The following STXBP5L variants were observed in gnomAD, a reference collection of about 807,000 sequenced individuals.
The protein encoded by STXBP5L is syntaxin binding protein 5L.
In STXBP5L, 65 loss-of-function variants were observed where a neutral mutation model predicts 144.5. That is an observed-to-expected ratio of 0.45 (90% CI 0.37 to 0.55). The LOEUF (loss-of-function observed/expected upper bound fraction) is 0.55. STXBP5L is among the 20% of genes least tolerant of loss of function. The probability of loss-of-function intolerance (pLI) is 0.00; values close to 1 mark genes in which losing one functional copy is unlikely to be tolerated. For synonymous variants in STXBP5L, 505 were observed against 469.6 expected, an observed-to-expected ratio of 1.08 and a Z score of -0.97; for missense variants, 1,298 against 1,405.5, an observed-to-expected ratio of 0.92 and a Z score of 1.22.
chr3:121,205,157 C>G (rs1190100360), intron 9 of STXBP5L, among the ~76,000 whole-genome samples: 1 of 152,012 alleles, frequency 6.6e-6, no homozygotes, highest in East Asian at 1.9e-4. Context: ...CATTGTTGTC[C>G]TAGTCTGTTT....
At chr3:120,912,127 C>A (rs1708870643) in intron 2 of STXBP5L, among the ~76,000 whole-genome samples, 1 of 152,000 alleles carries the variant, frequency 6.6e-6, no homozygotes, top group Non-Finnish European at 1.5e-5. Context: ...ACCTTTTCTA[C>A]ATCCCCAGTA....
At chr3:121,018,523 C>CAAAAAAAAA (rs139946627) in intron 3 of STXBP5L, among the ~76,000 whole-genome samples, 4 of 101,924 alleles carry the variant, frequency 3.9e-5, no homozygotes, top group East Asian at 3.3e-4. Context: ...ATCCATATAC[C>CAAAAAAAAA]AAAAAAAAAA....
intron 5 of STXBP5L, among the ~76,000 whole-genome samples, chr3:121,050,613 C>G: frequency 6.6e-6 from 1 of 152,102 alleles, no homozygotes; most frequent in Non-Finnish European, 1.5e-5. Flanking sequence ...ACAACCGGTA[C>G]CAGCCACTGC....
chr3:121,044,029 A>G (rs1030234882), intron 4 of STXBP5L, among the ~76,000 whole-genome samples: 1 of 152,172 alleles, frequency 6.6e-6, no homozygotes, highest in African/African-American at 2.4e-5. Context: ...TAGGAAGCAT[A>G]AGTACAGTAT....
intron 5 of STXBP5L, among the ~76,000 whole-genome samples, chr3:121,106,714 A>G (rs1311829087): frequency 6.6e-6 from 1 of 152,050 alleles, no homozygotes; most frequent in Non-Finnish European, 1.5e-5. Flanking sequence ...ATGCATGTAT[A>G]TATCTTCATG....
intron 19 of STXBP5L, among the ~76,000 whole-genome samples, chr3:121,287,390 T>G (rs1423290903): frequency 2.0e-5 from 3 of 152,232 alleles, no homozygotes; most frequent in Admixed American, 2.0e-4. Context: ...AGTTTAACAA[T>G]GTGCAGGATA....
chr3:121,136,018 G>A (rs9758538), intron 7 of STXBP5L, among the ~76,000 whole-genome samples: 144,335 of 152,192 alleles, frequency 0.95, 68,472 homozygotes, highest in Non-Finnish European at 0.95. Context: ...ACCGCTGACC[G>A]ACTACAGTGC....
At chr3:121,214,374 T>A (rs1350356532) in intron 10 of STXBP5L, among the ~76,000 whole-genome samples, 1 of 152,176 alleles carries the variant, frequency 6.6e-6, no homozygotes, top group East Asian at 1.9e-4. Flanking sequence ...TAAACACTGA[T>A]TTAGCTGTGT....
chr3:121,312,459 T>A, intron 19 of STXBP5L, among the ~76,000 whole-genome samples: 1 of 104,274 alleles, frequency 9.6e-6, no homozygotes, highest in Non-Finnish European at 2.0e-5. Flanking sequence ...TTTTTTTTTT[T>A]TTTTTTTTTT....
chr3:120,933,279 G>A (rs1238932017), intron 2 of STXBP5L, among the ~76,000 whole-genome samples: 1 of 152,126 alleles, frequency 6.6e-6, no homozygotes, highest in Non-Finnish European at 1.5e-5. Flanking sequence ...AGTGAGATAA[G>A]TTGACTATAA....
At chr3:121,100,335 A>T (rs745389709) in intron 5 of STXBP5L, among the ~76,000 whole-genome samples, 1 of 152,176 alleles carries the variant, frequency 6.6e-6, no homozygotes, top group Non-Finnish European at 1.5e-5. Flanking sequence ...TCCAAACTTG[A>T]CCACATCCTG....
At chr3:121,145,256 T>C (rs1256949151) in intron 7 of STXBP5L, among the ~76,000 whole-genome samples, 2 of 151,768 alleles carry the variant, frequency 1.3e-5, no homozygotes, top group African/African-American at 4.8e-5. Flanking sequence ...AAAAAATAAT[T>C]AATTATGACT....
At chr3:121,259,498 C>T (rs150312092) in intron 18 of STXBP5L, among the ~76,000 whole-genome samples, 1 of 151,854 alleles carries the variant, frequency 6.6e-6, no homozygotes, top group Non-Finnish European at 1.5e-5. Flanking sequence ...CTTTAGAGTT[C>T]ACTAACTCCC....
intron 3 of STXBP5L, among the ~76,000 whole-genome samples, chr3:121,041,224 C>G (rs1354545917): frequency 6.6e-6 from 1 of 150,966 alleles, no homozygotes; most frequent in African/African-American, 2.4e-5. Flanking sequence ...TTTATTTAGT[C>G]AGATATATCA....
chr3:120,980,375 G>T lies in STXBP5L; in HGVS notation c.287+25338G>T, dbSNP rs575940985. Among the ~76,000 whole-genome samples, 461 of 149,986 alleles carry T rather than the reference G, an allele frequency of 3.1e-3. 3 individuals are homozygous for T. Among genetic ancestry groups the T allele is most frequent in the African/African-American group, 0.01 (430 of 40,980 alleles). On this transcript the variant is annotated intron_variant, in intron 3 of 26. Transcript: ENST00000471454. ...TTATCTCTTAGTTCTGGTAGTGTTT[G>T]TTTTATGAATATGGGTGCTCTATGT... is the stretch of plus-strand genomic sequence containing the variant.
In STXBP5L at chr3:121,256,466, T is replaced by G. The variant is rs2050208457; in HGVS notation, c.1660-695T>G. On this transcript the variant is annotated intron_variant, in intron 16 of 26. Coordinates refer to ENST00000471454, the MANE Select transcript of STXBP5L (RefSeq NM_001308330.2). ...TAAAGTATTTAGTTTTAAAACTTTT[T>G]TAGTTTAATAAAGGTTTTTAGGTCA... 2.0e-5 allele frequency among the ~76,000 whole-genome samples: 3 copies of G among 152,176 alleles called. No individual in the cohort carries two copies. The South Asian group carries it at 6.2e-4, about 32-fold the overall frequency.
At chr3:120,933,660 C>T (rs184668962) in intron 2 of STXBP5L, among the ~76,000 whole-genome samples, 1 of 152,176 alleles carries the variant, frequency 6.6e-6, no homozygotes, top group Non-Finnish European at 1.5e-5. Context: ...AGGAATCTGT[C>T]TAAAAATTGT....
chr3:121,109,357 G>A (rs1440189999), intron 5 of STXBP5L, among the ~76,000 whole-genome samples: 1 of 152,058 alleles, frequency 6.6e-6, no homozygotes, highest in African/African-American at 2.4e-5. Context: ...TTCGATGTGG[G>A]CATTTAGTTC....
chr3:121,310,382 G>A (rs1253034596), intron 19 of STXBP5L, among the ~76,000 whole-genome samples: 5 of 151,778 alleles, frequency 3.3e-5, no homozygotes, highest in South Asian at 2.1e-4. Context: ...AGGCCGAGGC[G>A]GGTGGATCAC....
Sources: gnomAD v4.1 joint callset for allele counts (sites outside exome capture counted in the v4.1 genomes callset) on GRCh38, gnomAD v4.1.1 for gene constraint, MANE v1.5 for transcripts, NCBI Gene and HGNC (gene_info 2026-07-23, HGNC 2026-07-21) for gene names.